The following ARID1B variants were observed in gnomAD, a reference collection of about 807,000 sequenced individuals.
ARID1B encodes the protein AT-rich interactive domain-containing protein 1B.
Under a neutral mutation model 212.3 loss-of-function variants are expected in ARID1B, and 30 were observed. The ratio of observed to expected loss-of-function variants is 0.14; its 90% CI spans 0.11 to 0.19. The LOEUF (loss-of-function observed/expected upper bound fraction) is 0.19, where lower values mean the gene tolerates loss of function less well. Ranked by LOEUF, ARID1B falls within the 10% of genes least tolerant of loss-of-function variation. The pLI, the probability that ARID1B is intolerant of heterozygous loss-of-function variation, is 1.00. For synonymous variants in ARID1B, 1,402 were observed against 1,301.7 expected, an observed-to-expected ratio of 1.08 and a Z score of -1.66; for missense variants, 2,891 against 3,204.0, an observed-to-expected ratio of 0.90 and a Z score of 2.36.
intron 13 of ARID1B, 137 bp downstream of exon 13, chr6:157,184,572 G>T (rs922703955): frequency 6.8e-6 from 7 of 1,032,708 alleles, no homozygotes; most frequent in Non-Finnish European, 1.0e-5. Flanking sequence ...GTGTCGTTTT[G>T]TTTATTTAAT....
At chr6:156,926,420 A>G (rs1203054766) in intron 3 of ARID1B, among the ~76,000 whole-genome samples, 3 of 152,200 alleles carry the variant, frequency 2.0e-5, no homozygotes, top group Admixed American at 1.3e-4. Flanking sequence ...TGCTTAATGT[A>G]TGTTCACAGG....
chr6:157,170,411 G>T (rs550664847), intron 9 of ARID1B, among the ~76,000 whole-genome samples: 3 of 152,296 alleles, frequency 2.0e-5, no homozygotes, highest in Admixed American at 6.5e-5. Context: ...ATTGCGAGGG[G>T]CTGGTTGTCC....
intron 4 of ARID1B, among the ~76,000 whole-genome samples, chr6:157,057,032 TCAC>T (rs1783005897): frequency 6.6e-6 from 1 of 151,700 alleles, no homozygotes. Flanking sequence ...AGACGGAGTC[TCAC>T]TCTGTTGCTC....
chr6:157,125,795 CT>C (rs1788097757), intron 6 of ARID1B, among the ~76,000 whole-genome samples: 2 of 152,328 alleles, frequency 1.3e-5, no homozygotes, highest in African/African-American at 4.8e-5. Flanking sequence ...ATTCATGCCC[CT>C]GGCACCTCGT....
chr6:157,198,929 G>A (rs1171611652), intron 17 of ARID1B, 22 bp downstream of exon 17: 1 of 1,567,574 alleles, frequency 6.4e-7, no homozygotes, highest in Admixed American at 1.8e-5. Context: ...AGTGGGCGTG[G>A]GGTGCTGTGT....
intron 4 of ARID1B, among the ~76,000 whole-genome samples, chr6:156,984,093 G>A (rs1340430893): frequency 6.6e-6 from 1 of 152,118 alleles, no homozygotes; most frequent in Admixed American, 6.6e-5. Flanking sequence ...TTCTGGCTGG[G>A]TTTCTTGCAC....
chr6:156,824,455 C>T (rs116207764), intron 1 of ARID1B, among the ~76,000 whole-genome samples: 1,590 of 152,258 alleles, frequency 0.01, 26 homozygotes, highest in African/African-American at 0.035. Context: ...TGGTCATACC[C>T]GGATAGATGT....
intron 4 of ARID1B, among the ~76,000 whole-genome samples, chr6:157,073,808 G>A (rs1784133282): frequency 6.6e-6 from 1 of 152,240 alleles, no homozygotes; most frequent in Admixed American, 6.5e-5. Flanking sequence ...ATCACAGTAA[G>A]TATTTAACGA....
chr6:157,091,484 G>C (rs2128475951), intron 5 of ARID1B, among the ~76,000 whole-genome samples: 1 of 152,252 alleles, frequency 6.6e-6, no homozygotes, highest in East Asian at 1.9e-4. Context: ...TGCTTAATTT[G>C]ACATTCAAAC....
intron 3 of ARID1B, among the ~76,000 whole-genome samples, chr6:156,916,501 G>A (rs1790368652): frequency 6.6e-6 from 1 of 152,056 alleles, no homozygotes; most frequent in Non-Finnish European, 1.5e-5. Flanking sequence ...CCATTTTAAA[G>A]TATTTTTACA....
intron 12 of ARID1B, among the ~76,000 whole-genome samples, chr6:157,181,439 G>A (rs1792526767): frequency 6.6e-6 from 1 of 152,176 alleles, no homozygotes; most frequent in East Asian, 1.9e-4. Context: ...GGCCAGACTA[G>A]ATTTTCCTGT....
chr6:156,777,094 A>G (rs1778664700), upstream of ARID1B: 1 of 152,026 alleles, frequency 6.6e-6, no homozygotes, highest in South Asian at 2.1e-4. Flanking sequence ...CGTTCCTTTT[A>G]GACGTGAAAA....
chr6:156,842,875 T>G (rs193220120), intron 2 of ARID1B, among the ~76,000 whole-genome samples: 1 of 152,314 alleles, frequency 6.6e-6, no homozygotes, highest in Non-Finnish European at 1.5e-5. Flanking sequence ...AAACAGAGGT[T>G]AGGTAGCTTG....
intron 2 of ARID1B, among the ~76,000 whole-genome samples, chr6:156,849,013 T>C (rs1312263248): frequency 1.3e-5 from 2 of 152,334 alleles, no homozygotes; most frequent in East Asian, 3.9e-4. Context: ...CCTGGGTCCA[T>C]ATACTTTCAC....
chr6:156,944,482 A>G lies in ARID1B; in HGVS notation c.2247+8906A>G, dbSNP rs376695222. Among the ~76,000 whole-genome samples the G allele has an allele frequency of 8.5e-5, 13 of 152,276 alleles. No individual in the cohort carries two copies. The East Asian group carries it at 2.3e-3, about 27-fold the overall frequency. On this transcript the variant is annotated intron_variant, in intron 4 of 19. Coordinates refer to ENST00000636930, the MANE Select transcript of ARID1B (RefSeq NM_001374828.1). ...TGGGAGCCGTGATGTCGTTGCATAT[A>G]GGGAAGTCTAGGGAAAAGGAAAAAA...
At chr6:156,828,859 C>T (rs776897564) in intron 1 of ARID1B, among the ~76,000 whole-genome samples, 1 of 152,236 alleles carries the variant, frequency 6.6e-6, no homozygotes, top group Admixed American at 6.5e-5. Flanking sequence ...TCAATACCCT[C>T]TGCTCTTATT....
chr6:156,999,278 A>G (rs1232004632), intron 4 of ARID1B, among the ~76,000 whole-genome samples: 2 of 152,258 alleles, frequency 1.3e-5, no homozygotes, highest in Non-Finnish European at 2.9e-5. Flanking sequence ...ACAGCATGTA[A>G]TCAGTCAGAT....
chr6:156,825,452 A>G (rs996178835), intron 1 of ARID1B, among the ~76,000 whole-genome samples: 3 of 152,206 alleles, frequency 2.0e-5, no homozygotes, highest in Non-Finnish European at 4.4e-5. Flanking sequence ...TTAAGCTAAC[A>G]TTTTTGACAT....
intron 4 of ARID1B, among the ~76,000 whole-genome samples, chr6:156,970,137 A>G (rs906744402): frequency 2.6e-5 from 4 of 152,074 alleles, no homozygotes; most frequent in Non-Finnish European, 2.9e-5. Context: ...TGGAAGTGCA[A>G]TGGCATGATC....
Sources: gnomAD v4.1 joint callset for allele counts (sites outside exome capture counted in the v4.1 genomes callset) on GRCh38, gnomAD v4.1.1 for gene constraint, MANE v1.5 for transcripts, NCBI Gene and HGNC (gene_info 2026-07-23, HGNC 2026-07-21) for gene names.